Variants in ARRDC2 observed in about 807,000 individuals in gnomAD.
ARRDC2 encodes arrestin domain-containing protein 2.
In ARRDC2, 39 loss-of-function variants were observed where a neutral mutation model predicts 38.9. That is an observed-to-expected ratio of 1.00 (90% CI 0.78 to 1.31). ARRDC2 has a LOEUF of 1.31. ARRDC2 is among the 50% of genes most tolerant of loss of function. The pLI, the probability that ARRDC2 is intolerant of heterozygous loss-of-function variation, is 0.00. For synonymous variants in ARRDC2, 300 were observed against 261.9 expected (o/e 1.15, Z -1.41); for missense variants, 553 against 588.4 (o/e 0.94, Z 0.62).
chr19:18,001,399 G>C, exon 1 of ARRDC2: 2 of 1,218,302 alleles, frequency 1.6e-6, no homozygotes, highest in Non-Finnish European at 2.0e-6. Flanking sequence ...GCGGCTGTGC[G>C]GCCGGGTGCT....
intron 1 of ARRDC2, among the ~76,000 whole-genome samples, chr19:18,003,102 A>C (rs545975855): frequency 1.3e-5 from 2 of 151,956 alleles, no homozygotes; most frequent in South Asian, 4.2e-4. Context: ...TCCGTCTCAA[A>C]AACAAAAACA....
intron 7 of ARRDC2, among the ~76,000 whole-genome samples, chr19:18,012,671 C>A (rs900551239): frequency 2.0e-5 from 3 of 152,122 alleles, no homozygotes; most frequent in Non-Finnish European, 4.4e-5. Flanking sequence ...ATATCAGGGA[C>A]CTGAGCATCT....
chr19:18,001,209 C>G, exon 1 of ARRDC2: 2 of 1,083,514 alleles, frequency 1.8e-6, no homozygotes, highest in South Asian at 9.1e-5. Context: ...CCGGAGGAAG[C>G]TTGGGGGACG....
At chr19:18,010,826 G>A (rs1013167096) in intron 7 of ARRDC2, 97 bp downstream of exon 7, 2 of 1,365,158 alleles carry the variant, frequency 1.5e-6, no homozygotes, top group Non-Finnish European at 2.0e-6. Flanking sequence ...TTGTTTTTTT[G>A]TTTTTTTAGA....
rs1568467303 is a variant in ARRDC2 at position 18,009,055 on chromosome 19, A to G, written c.426A>G (p.Ala142=). 6.2e-7 allele frequency: 1 copy of G among 1,613,516 alleles called. No individual in the cohort carries two copies. Among genetic ancestry groups the G allele is most frequent in the African/African-American group, 1.3e-5 (1 of 75,016 alleles). ...KATLHRPWVP[A]RRARKVFTVI... The stretch of plus-strand genomic sequence containing the variant: ...CCCTGCACCGGCCCTGGGTCCCAGC[A>G]CGCCGGGCAAGGAAGGTGTTCACTG... Residue 142 remains alanine (A), a synonymous_variant, in exon 3 of 8, where the codon GCA becomes GCG. Transcript: ENST00000222250.
rs931090306 is a variant in ARRDC2 at position 18,013,060 on chromosome 19, A to C, written c.*94A>C. 2.9e-6 allele frequency: 4 copies of C among 1,357,490 alleles called. No homozygotes were observed. Among genetic ancestry groups the C allele is most frequent in the African/African-American group, 1.5e-5 (1 of 68,640 alleles). The allele number at this position is 1,357,490 out of a possible 1,614,324, so 84.1% of individuals were successfully genotyped here. ...GCTGGACCAAGGGCTGACCTCCCCG[A>C]CTGCATCAAAGTTGGGGAACCAAGT... On this transcript the variant is annotated 3_prime_UTR_variant, in exon 8 of 8. Coordinates refer to ENST00000222250, the MANE Select transcript of ARRDC2 (RefSeq NM_015683.2).
At chr19:18,002,887 G>A (rs1472180746) in intron 1 of ARRDC2, among the ~76,000 whole-genome samples, 1 of 152,088 alleles carries the variant, frequency 6.6e-6, no homozygotes, top group Non-Finnish European at 1.5e-5. Flanking sequence ...CAGATCACCT[G>A]AGGTCAGGAG....
upstream of ARRDC2, among the ~76,000 whole-genome samples, chr19:18,003,633 T>TTTGTTTG (rs1288663352): frequency 6.5e-5 from 8 of 122,354 alleles, no homozygotes; most frequent in African/African-American, 2.4e-4. Context: ...CTAATTTTTG[T>TTTGTTTG]TTGTTTGTTT....
At position 18,009,079 on chromosome 19, in the gene ARRDC2, T is replaced by C; in HGVS notation, c.450T>C (p.Thr150=). 6.2e-7 allele frequency: 1 copy of C among 1,613,534 alleles called. No homozygotes were observed. The highest frequency in any genetic ancestry group is 8.5e-7 in the Non-Finnish European group (1 of 1,179,992). The change falls in exon 3 of 8, where the codon ACT becomes ACC. Residue 150 remains threonine (T), a synonymous_variant. Coordinates refer to ENST00000222250, the MANE Select transcript of ARRDC2 (RefSeq NM_015683.2). Reference sequence around the variant, plus strand: ...CACGCCGGGCAAGGAAGGTGTTCACTGTCATCGAGCCTGTGGACATCAACA... The same window carrying C: ...CACGCCGGGCAAGGAAGGTGTTCACCGTCATCGAGCCTGTGGACATCAACA... ...VPARRARKVF[T]VIEPVDINTP...
upstream of ARRDC2, among the ~76,000 whole-genome samples, chr19:18,005,953 C>T (rs528322330): frequency 3.1e-5 from 4 of 128,046 alleles, no homozygotes; most frequent in South Asian, 2.6e-4. Context: ...CAGACGGGGT[C>T]GCGGCCGGGC....
In ARRDC2 at chr19:18,008,966, C is replaced by T; in HGVS notation, c.342-5C>T. The T allele has an allele frequency of 6.2e-7, 1 of 1,613,530 alleles. No homozygotes were observed. The highest frequency in any genetic ancestry group is 8.5e-7 in the Non-Finnish European group (1 of 1,179,916). ...GTCCCCTGAAGTCCCGTCCCTCCAC[C>T]CTAGGACCCTGGTGACATCCTTCGA... On this transcript the variant is annotated splice_polypyrimidine_tract_variant and splice_region_variant and intron_variant, in intron 2 of 7. Coordinates refer to ENST00000222250, the MANE Select transcript of ARRDC2 (RefSeq NM_015683.2).
rs2033448880 is a variant in ARRDC2, at chr19:18,013,191, A to T, written c.*225A>T. The T allele has an allele frequency of 1.8e-6, 1 of 568,666 alleles. No homozygotes were observed. The allele number at this position is 568,666 out of a possible 1,614,324, so 35.2% of individuals were successfully genotyped here. A position where few individuals can be genotyped will look rare whatever the true frequency, so the allele number is the denominator to read the frequency against. On this transcript the variant is annotated 3_prime_UTR_variant, in exon 8 of 8. Coordinates refer to ENST00000222250, the MANE Select transcript of ARRDC2 (RefSeq NM_015683.2). ...TGTCCTTGTGAGGCATTGAATGCCC[A>T]GTGCAGTATCCGAGAGACTGTTTAA... is the stretch of plus-strand genomic sequence containing the variant.
upstream of ARRDC2, chr19:18,008,081 G>A (rs2033316103): frequency 2.5e-6 from 3 of 1,191,012 alleles, no homozygotes; most frequent in African/African-American, 5.1e-5. Flanking sequence ...CGCGCTATTG[G>A]TGGAGTCCCT....
At chr19:18,009,179 G>C in intron 3 of ARRDC2, 61 bp downstream of exon 3, 1 of 1,575,768 alleles carries the variant, frequency 6.3e-7, no homozygotes, top group Non-Finnish European at 8.6e-7. Context: ...CTGCCTGGCT[G>C]CTGGGCGACA....
chr19:18,007,927 T>C, upstream of ARRDC2: 2 of 328,770 alleles, frequency 6.1e-6, no homozygotes, highest in South Asian at 6.0e-5. Flanking sequence ...TTTTCCTCTT[T>C]ACCCCCGGGG....
chr19:18,003,520 G>A (rs2033218122), upstream of ARRDC2, among the ~76,000 whole-genome samples: 1 of 150,836 alleles, frequency 6.6e-6, no homozygotes, highest in South Asian at 2.1e-4. Context: ...AGTGGCGCCG[G>A]CGCAATCTTG....
upstream of ARRDC2, among the ~76,000 whole-genome samples, chr19:18,005,357 C>T (rs2033250800): frequency 1.3e-5 from 2 of 152,090 alleles, no homozygotes; most frequent in African/African-American, 2.4e-5. Flanking sequence ...TTTCTTAGTA[C>T]AGAACAAAAT....
chr19:18,001,264 G>A (rs2033179805), exon 1 of ARRDC2: 4 of 1,164,574 alleles, frequency 3.4e-6, no homozygotes, highest in Non-Finnish European at 3.2e-6. Flanking sequence ...GGCGCGCCCG[G>A]GCCGTGTGCC....
chr19:18,004,996 G>A (rs1189894345), upstream of ARRDC2, among the ~76,000 whole-genome samples: 3 of 150,798 alleles, frequency 2.0e-5, no homozygotes, highest in African/African-American at 4.9e-5. Flanking sequence ...AAAAAAAAAA[G>A]AAAAGCAAAT....
Sources: allele counts gnomAD v4.1 joint callset (sites outside exome capture counted in the v4.1 genomes callset), GRCh38; gene constraint gnomAD v4.1.1; transcripts MANE v1.5; gene names NCBI Gene and HGNC (gene_info 2026-07-23, HGNC 2026-07-21).